PARP8: variants seen among roughly 807,000 people sequenced by gnomAD.
PARP8 encodes poly(ADP-ribose) polymerase family member 8.
Under a neutral mutation model 124.1 loss-of-function variants are expected in PARP8, and 51 were observed. The observed-to-expected ratio is 0.41, with a 90% CI of 0.33 to 0.52. The LOEUF is 0.52. Among genes scored for constraint, PARP8 ranks in the 20% least tolerant of loss-of-function variants. The pLI, the probability that PARP8 is intolerant of heterozygous loss-of-function variation, is 0.21. For missense variants in PARP8, 860 were observed against 1,018.9 expected, an observed-to-expected ratio of 0.84 and a Z score of 2.12; for synonymous variants, 391 against 361.5, an observed-to-expected ratio of 1.08 and a Z score of -0.93.
intron 25 of PARP8, 39 bp downstream of exon 25, chr5:50,835,054 G>T: frequency 6.5e-7 from 1 of 1,546,704 alleles, no homozygotes; most frequent in Admixed American, 1.7e-5. Context: ...TACTGTCTTT[G>T]CCACAAATGG....
chr5:50,694,898 T>G (rs556037521), intron 2 of PARP8, among the ~76,000 whole-genome samples: 1 of 152,266 alleles, frequency 6.6e-6, no homozygotes, highest in Admixed American at 6.5e-5. Context: ...GTCCAAAAGC[T>G]GAAGAACTCG....
chr5:50,826,875 C>T (rs1417664676), intron 19 of PARP8, 72 bp downstream of exon 19: 5 of 1,532,782 alleles, frequency 3.3e-6, no homozygotes, highest in Non-Finnish European at 4.3e-6. Context: ...GGAGAACCTA[C>T]CTTGTAATTT....
At chr5:50,753,020 A>G (rs1561329377) in intron 3 of PARP8, among the ~76,000 whole-genome samples, 1 of 152,122 alleles carries the variant, frequency 6.6e-6, no homozygotes. Context: ...AATAGCATGT[A>G]TATAAATGAA....
intron 2 of PARP8, among the ~76,000 whole-genome samples, chr5:50,742,341 GAAATTGTTAGATT>G (rs1038081174): frequency 2.0e-5 from 3 of 152,174 alleles, no homozygotes; most frequent in Non-Finnish European, 4.4e-5. Flanking sequence ...TTCAAATTGT[GAAATTGTTAGATT>G]AAATTAATAG....
rs552229457 is a variant in PARP8 at position 50,843,695 on chromosome 5, T to C, written c.*1627T>C. The C allele has an allele frequency of 1.3e-5, 2 of 151,750 alleles. No homozygotes were observed. The highest frequency in any genetic ancestry group is 3.0e-5 in the Non-Finnish European group (2 of 67,796). The allele number at this position is 151,750 out of a possible 1,614,324, so 9.4% of individuals were successfully genotyped here. ...ATAGTAGTGGAGTAGGGCAAAGATATAATATCCTATCCAGTGTTTTGTGAC... is the reference window on the plus strand; with the variant it reads ...ATAGTAGTGGAGTAGGGCAAAGATACAATATCCTATCCAGTGTTTTGTGAC... On this transcript the variant is annotated 3_prime_UTR_variant, in exon 26 of 26. Coordinates refer to ENST00000281631, the MANE Select transcript of PARP8 (RefSeq NM_024615.4).
chr5:50,823,813 C>T lies in PARP8; in HGVS notation c.1861-1095C>T, dbSNP rs902618899. Among the ~76,000 whole-genome samples the T allele has an allele frequency of 2.6e-5, 4 of 152,166 alleles. No homozygotes were observed. The East Asian group carries it at 5.8e-4, about 22-fold the overall frequency. On this transcript the variant is annotated intron_variant, in intron 17 of 25. Coordinates refer to ENST00000281631, the MANE Select transcript of PARP8 (RefSeq NM_024615.4). ...GGGAACGTAGACGACTGAGCGTCAGCCTAGGAAGTTAAGAAGCCAAAATTG... is the reference window on the plus strand; with the variant it reads ...GGGAACGTAGACGACTGAGCGTCAGTCTAGGAAGTTAAGAAGCCAAAATTG...
intron 10 of PARP8, among the ~76,000 whole-genome samples, chr5:50,792,551 C>T (rs1742082907): frequency 1.3e-5 from 2 of 151,528 alleles, no homozygotes; most frequent in Non-Finnish European, 2.9e-5. Flanking sequence ...GAATGGTGCA[C>T]AGGAGTAGCA....
intron 5 of PARP8, among the ~76,000 whole-genome samples, chr5:50,761,288 A>G (rs1046019433): frequency 2.0e-5 from 3 of 152,142 alleles, no homozygotes; most frequent in African/African-American, 7.2e-5. Flanking sequence ...AGCATATTAA[A>G]TTAAATACCC....
In PARP8 at chr5:50,667,194, C is replaced by T. The variant is rs1477773842; in HGVS notation, c.91+8C>T. 4 of 1,596,230 alleles carry T rather than the reference C, an allele frequency of 2.5e-6. No individual in the cohort carries two copies. Among genetic ancestry groups the T allele is most frequent in the Non-Finnish European group, 3.4e-6 (4 of 1,179,720 alleles). On this transcript the variant is annotated splice_region_variant and intron_variant, in intron 1 of 25. Transcript: ENST00000281631. ...AGGACTGCCTGTTTGCAGGTGAGTT[C>T]TTGCTTTTCCAGAACCTCGGACCCA...
At chr5:50,727,330 A>T (rs1028653451) in intron 2 of PARP8, among the ~76,000 whole-genome samples, 3 of 152,048 alleles carry the variant, frequency 2.0e-5, no homozygotes, top group Non-Finnish European at 4.4e-5. Flanking sequence ...GAGTGTACCC[A>T]GTCCCCGCTC....
chr5:50,690,340 C>A (rs909081258), intron 2 of PARP8, among the ~76,000 whole-genome samples: 3 of 152,130 alleles, frequency 2.0e-5, no homozygotes, highest in Admixed American at 2.0e-4. Context: ...ATTGGAAAAG[C>A]CACTGTGAAG....
chr5:50,794,825 C>T (rs145258939), intron 11 of PARP8, 28 bp from the exon 12 acceptor site: 2 of 1,581,904 alleles, frequency 1.3e-6, no homozygotes, highest in African/African-American at 2.7e-5. Flanking sequence ...GTGATTTGCC[C>T]TGTAGTAATT....
chr5:50,823,373 G>C (rs1580466113), intron 17 of PARP8, among the ~76,000 whole-genome samples: 1 of 151,976 alleles, frequency 6.6e-6, no homozygotes, highest in Non-Finnish European at 1.5e-5. Context: ...TCAAATATTC[G>C]TTCATTCACT....
Position 50,842,010 on chromosome 5 carries a change from A to C in PARP8, c.2507A>C (p.Glu836Ala). The change falls in exon 26 of 26, where the codon GAA becomes GCA. Residue 836 changes from glutamate (E) to alanine (A), a missense_variant. Physicochemically the swap from Glu to Ala is moderately radical, Grantham distance 107. Around this residue, in one of 2 missense-constraint regions of PARP8, gnomAD observed 343 missense variants for 474.7 expected, o/e 0.72. Coordinates refer to ENST00000281631, the MANE Select transcript of PARP8 (RefSeq NM_024615.4). The part of the protein sequence containing the change: ...QVGDANINTQ[E>A]GGIHKEILRV... ...GGAGATGCAAATATTAATACACAAG[A>C]AGGAGGCATTCACAAAGAGATCCTC... The C allele has an allele frequency of 6.2e-7, 1 of 1,606,542 alleles. No homozygotes were observed. Among genetic ancestry groups the C allele is most frequent in the Non-Finnish European group, 8.5e-7 (1 of 1,175,844 alleles).
chr5:50,703,892 CTT>C (rs959900148), intron 2 of PARP8, among the ~76,000 whole-genome samples: 1 of 145,278 alleles, frequency 6.9e-6, no homozygotes. Flanking sequence ...AAATGAGACC[CTT>C]TTTTTTTTTT....
At chr5:50,724,283 T>C (rs1756194770) in intron 2 of PARP8, among the ~76,000 whole-genome samples, 1 of 152,180 alleles carries the variant, frequency 6.6e-6, no homozygotes, top group Non-Finnish European at 1.5e-5. Flanking sequence ...AAATTGATTC[T>C]TTACTTTTAC....
chr5:50,828,251 G>T, intron 20 of PARP8, 61 bp from the exon 21 acceptor site: 1 of 1,504,242 alleles, frequency 6.6e-7, no homozygotes, highest in South Asian at 1.1e-5. Context: ...ATTATGTTTT[G>T]ACCACTTTGA....
chr5:50,761,818 A>G lies in PARP8; in HGVS notation c.346-3A>G. The stretch of plus-strand genomic sequence containing the variant: ...AATTGTTTTCTTACTTTATTATTTT[A>G]AGGAATCAAGACAGAATAGTACAGT... On this transcript the variant is annotated splice_polypyrimidine_tract_variant and splice_region_variant and intron_variant, in intron 5 of 25. Coordinates refer to ENST00000281631, the MANE Select transcript of PARP8 (RefSeq NM_024615.4). 1 of 1,551,870 alleles carries G rather than the reference A, an allele frequency of 6.4e-7. No individual in the cohort carries two copies. The highest frequency in any genetic ancestry group is 8.7e-7 in the Non-Finnish European group (1 of 1,143,530).
chr5:50,775,059 T>G (rs1739821867), intron 7 of PARP8, among the ~76,000 whole-genome samples: 1 of 150,848 alleles, frequency 6.6e-6, no homozygotes, highest in Non-Finnish European at 1.5e-5. Flanking sequence ...GCAGAGGCGC[T>G]CCTCACTTCC....
Sources: gnomAD v4.1 joint callset for allele counts (sites outside exome capture counted in the v4.1 genomes callset) on GRCh38, gnomAD v4.1.1 for gene constraint, gnomAD v4.1.1 regional missense constraint, MANE v1.5 for transcripts, NCBI Gene and HGNC (gene_info 2026-07-23, HGNC 2026-07-21) for gene names.